UFC1: variants seen among roughly 807,000 people sequenced by gnomAD.
UFC1 encodes the protein ubiquitin-fold modifier-conjugating enzyme 1.
UFC1 carries 22 observed loss-of-function variants against 28.0 expected under a neutral mutation model. The ratio of observed to expected loss-of-function variants is 0.78; its 90% CI spans 0.56 to 1.12. UFC1 has a LOEUF of 1.12. UFC1 is among the 50% of genes most tolerant of loss of function. The pLI is 0.00. For synonymous variants in UFC1, 61 were observed against 74.5 expected (o/e 0.82, Z 0.93); for missense variants, 189 against 207.8 (o/e 0.91, Z 0.56).
intron 4 of UFC1, 88 bp downstream of exon 4, chr1:161,157,781 T>G (rs1657568536): frequency 9.2e-7 from 1 of 1,086,838 alleles, no homozygotes; most frequent in South Asian, 1.3e-5. Flanking sequence ...GAAGAATAGC[T>G]AATGGATGCT....
At chr1:161,157,776 A>G in intron 4 of UFC1, 83 bp downstream of exon 4, 3 of 1,134,402 alleles carry the variant, frequency 2.6e-6, no homozygotes, top group Non-Finnish European at 4.0e-6. Flanking sequence ...ATCAGGAAGA[A>G]TAGCTAATGG....
chr1:161,153,984 C>A lies in UFC1; in HGVS notation c.-14C>A, dbSNP rs779315913. The A allele has an allele frequency of 6.2e-6, 10 of 1,613,802 alleles. No homozygotes were observed. In the South Asian group the frequency reaches 9.9e-5, roughly 16 times the overall value. ...CAACACCACTTCCGCGTTTCTCTTG[C>A]GCCCTGGTCCAAGATGGCGGATGAA... On this transcript the variant is annotated 5_prime_UTR_variant, in exon 1 of 6. Coordinates refer to ENST00000368003, the MANE Select transcript of UFC1 (RefSeq NM_016406.4).
At chr1:161,157,982 C>A in intron 4 of UFC1, 139 bp from the exon 5 acceptor site, 1 of 752,644 alleles carries the variant, frequency 1.3e-6, no homozygotes, top group Non-Finnish European at 2.2e-6. Context: ...CCAGGCCCTC[C>A]TTTGCTGAGC....
intron 1 of UFC1, among the ~76,000 whole-genome samples, chr1:161,156,083 G>C (rs1657495942): frequency 6.6e-6 from 1 of 152,204 alleles, no homozygotes; most frequent in African/African-American, 2.4e-5. Flanking sequence ...CACTATCAGA[G>C]AAGTGAGAGG....
Position 161,158,550 on chromosome 1 carries a change from C to T in UFC1, c.*58C>T, listed in dbSNP as rs1571269376. The T allele has an allele frequency of 3.2e-6, 5 of 1,580,678 alleles. No individual in the cohort carries two copies. The South Asian group carries it at 3.3e-5, about 10-fold the overall frequency. On this transcript the variant is annotated 3_prime_UTR_variant, in exon 6 of 6. Coordinates refer to ENST00000368003, the MANE Select transcript of UFC1 (RefSeq NM_016406.4). Reference sequence around the variant, plus strand: ...CTTTGATAGGCTACGATACTATTTTCCTGTGCATCACACTTAACTCATCTA... The same window carrying T: ...CTTTGATAGGCTACGATACTATTTTTCTGTGCATCACACTTAACTCATCTA...
chr1:161,154,017 G>C lies in UFC1; in HGVS notation c.20G>C (p.Arg7Pro). 1.2e-6 allele frequency: 2 copies of C among 1,614,122 alleles called. No homozygotes were observed. The highest frequency in any genetic ancestry group is 8.5e-7 in the Non-Finnish European group (1 of 1,180,030). Reference sequence around the variant, plus strand: ...TCCAAGATGGCGGATGAAGCCACGCGACGTGTTGTGTCTGAGATCCCGGTG... The same window carrying C: ...TCCAAGATGGCGGATGAAGCCACGCCACGTGTTGTGTCTGAGATCCCGGTG... MADEAT[R>P]RVVSEIPVLK... The change falls in exon 1 of 6, where the codon CGA (arginine) becomes CCA (proline). Residue 7 changes from arginine (R) to proline (P), a missense_variant. Coordinates refer to ENST00000368003, the MANE Select transcript of UFC1 (RefSeq NM_016406.4).
In UFC1 at chr1:161,158,677, G is replaced by T; in HGVS notation, c.*185G>T. Reference sequence around the variant, plus strand: ...ACACACCAAACAGTACTGCTACTTAGTTTCTAAGGCTGCACAGGGAAGGGA... The same window carrying T: ...ACACACCAAACAGTACTGCTACTTATTTTCTAAGGCTGCACAGGGAAGGGA... On this transcript the variant is annotated 3_prime_UTR_variant, in exon 6 of 6. Transcript: ENST00000368003. The T allele has an allele frequency of 1.6e-6, 1 of 643,328 alleles. No homozygotes were observed. Among genetic ancestry groups the T allele is most frequent in the Non-Finnish European group, 2.8e-6 (1 of 363,126 alleles). The allele number at this position is 643,328 out of a possible 1,614,324, so 39.9% of individuals were successfully genotyped here.
rs1657632927 is a variant in UFC1, at chr1:161,158,693, A to G, written c.*201A>G. 2 of 610,778 alleles carry G rather than the reference A, an allele frequency of 3.3e-6. No homozygotes were observed. Among genetic ancestry groups the G allele is most frequent in the Non-Finnish European group, 5.8e-6 (2 of 344,550 alleles). The allele number at this position is 610,778 out of a possible 1,614,324, so 37.8% of individuals were successfully genotyped here. On this transcript the variant is annotated 3_prime_UTR_variant, in exon 6 of 6. Coordinates refer to ENST00000368003, the MANE Select transcript of UFC1 (RefSeq NM_016406.4). ...TGCTACTTAGTTTCTAAGGCTGCAC[A>G]GGGAAGGGAAAGACTGGGCTTTGGA... is the stretch of plus-strand genomic sequence containing the variant.
At position 161,158,649 on chromosome 1, in the gene UFC1, A is replaced by C; in HGVS notation, c.*157A>C. ...AGTAGGCATTGCTGGGGAAGAAACA[A>C]ACACACACCAAACAGTACTGCTACT... On this transcript the variant is annotated 3_prime_UTR_variant, in exon 6 of 6. Transcript: ENST00000368003. 1 of 722,738 alleles carries C rather than the reference A, an allele frequency of 1.4e-6. No homozygotes were observed. The highest frequency in any genetic ancestry group is 2.4e-6 in the Non-Finnish European group (1 of 420,336). 44.8% of individuals were successfully genotyped at this position (722,738 alleles called of 1,614,324 possible).
rs999116352 is a variant in UFC1 at position 161,158,695 on chromosome 1, G to A, written c.*203G>A. 1 of 606,998 alleles carries A rather than the reference G, an allele frequency of 1.6e-6. No individual in the cohort carries two copies. The highest frequency in any genetic ancestry group is 2.9e-5 in the East Asian group (1 of 34,948). 37.6% of individuals were successfully genotyped at this position (606,998 alleles called of 1,614,324 possible). A position where few individuals can be genotyped will look rare whatever the true frequency, so the allele number is the denominator to read the frequency against. On this transcript the variant is annotated 3_prime_UTR_variant, in exon 6 of 6. Coordinates refer to ENST00000368003, the MANE Select transcript of UFC1 (RefSeq NM_016406.4). ...CTACTTAGTTTCTAAGGCTGCACAGGGAAGGGAAAGACTGGGCTTTGGACA... is the reference window on the plus strand; with the variant it reads ...CTACTTAGTTTCTAAGGCTGCACAGAGAAGGGAAAGACTGGGCTTTGGACA...
intron 4 of UFC1, 72 bp from the exon 5 acceptor site, chr1:161,158,049 A>G (rs529168407): frequency 3.8e-6 from 5 of 1,317,436 alleles, no homozygotes; most frequent in East Asian, 2.3e-5. Context: ...TAGTCTTCCT[A>G]TGCCCCCAAG....
At position 161,154,048 on chromosome 1, in the gene UFC1, G is replaced by C. The variant is rs757697131; in HGVS notation, c.51G>C (p.Lys17Asn). The change falls in exon 1 of 6, where the codon AAG (lysine) becomes AAC (asparagine). Residue 17 changes from lysine (K) to asparagine (N), a missense_variant. Lys to Asn is a moderately conservative substitution (Grantham distance 94). Transcript: ENST00000368003. ...TTGTGTCTGAGATCCCGGTGCTGAA[G>C]ACTAACGCCGGACCCCGAGATCGTG... ...RRVVSEIPVL[K>N]TNAGPRDREL... 2 of 1,614,066 alleles carry C rather than the reference G, an allele frequency of 1.2e-6. No individual in the cohort carries two copies. Among genetic ancestry groups the C allele is most frequent in the Admixed American group, 1.7e-5 (1 of 59,998 alleles).
intron 1 of UFC1, among the ~76,000 whole-genome samples, chr1:161,154,869 A>G (rs1370299998): frequency 1.3e-5 from 2 of 152,218 alleles, no homozygotes; most frequent in Non-Finnish European, 2.9e-5. Flanking sequence ...AGTTTAGCTC[A>G]TAGTTAGAAA....
At position 161,154,117 on chromosome 1, in the gene UFC1, C is replaced by T. The variant is rs1361214462; in HGVS notation, c.120C>T (p.Ile40=). The T allele has an allele frequency of 2.5e-6, 4 of 1,613,824 alleles. No individual in the cohort carries two copies. The highest frequency in any genetic ancestry group is 1.3e-5 in the African/African-American group (1 of 74,854). Residue 40 remains isoleucine (I), a synonymous_variant, in exon 1 of 6, where the codon ATC becomes ATT. Transcript: ENST00000368003. ...TGAAGGAGGAATATCAGTCCCTTAT[C>T]CGGGTTAGTTGTGTTTCTACAGTCT... ...QRLKEEYQSL[I]RYVENNKNAD... is the part of the protein sequence containing the mutation.
Position 161,157,034 on chromosome 1 carries a change from G to T in UFC1, c.191+17G>T. On this transcript the variant is annotated intron_variant, in intron 2 of 5. Coordinates refer to ENST00000368003, the MANE Select transcript of UFC1 (RefSeq NM_016406.4). ...AGGAACTCGGTAGGTAGACCCTCTT[G>T]GGAGGTGTGGGGTGGGAGTCTTATA... 6.2e-7 allele frequency: 1 copy of T among 1,612,984 alleles called. No individual in the cohort carries two copies. The highest frequency in any genetic ancestry group is 8.5e-7 in the Non-Finnish European group (1 of 1,179,126).
chr1:161,158,309 C>T, intron 5 of UFC1, 98 bp downstream of exon 5: 1 of 1,565,622 alleles, frequency 6.4e-7, no homozygotes, highest in Non-Finnish European at 8.8e-7. Context: ...ACAGTGATGT[C>T]CCTTAAGCAT....
Position 161,154,035 on chromosome 1 carries a change from T to A in UFC1, c.38T>A (p.Ile13Asn), listed in dbSNP as rs762935146. ...GCCACGCGACGTGTTGTGTCTGAGA[T>A]CCCGGTGCTGAAGACTAACGCCGGA... ...DEATRRVVSE[I>N]PVLKTNAGPR... is the part of the protein sequence containing the mutation. Residue 13 changes from isoleucine to asparagine, a missense_variant, in exon 1 of 6, where the codon ATC becomes AAC. Ile to Asn is a moderately radical substitution (Grantham distance 149). Coordinates refer to ENST00000368003, the MANE Select transcript of UFC1 (RefSeq NM_016406.4). The A allele has an allele frequency of 1.9e-6, 3 of 1,614,014 alleles. No homozygotes were observed. The highest frequency in any genetic ancestry group is 4.5e-5 in the East Asian group (2 of 44,882).
chr1:161,156,433 A>T (rs1657506538), intron 1 of UFC1, among the ~76,000 whole-genome samples: 1 of 148,314 alleles, frequency 6.7e-6, no homozygotes, highest in Non-Finnish European at 1.5e-5. Context: ...CAGCTACTTG[A>T]GAGGCTGAGG....
In UFC1 at chr1:161,157,259, T is replaced by G; in HGVS notation, c.197T>G (p.Phe66Cys). ...LESNKEGTRWFGKCWYIHDLL... is the reference protein window; with the variant it reads ...LESNKEGTRWCGKCWYIHDLL... Reference sequence around the variant, plus strand: ...AGGTTTGGTCTTTGTTACAGGTGGTTTGGAAAATGCTGGTATATCCATGAC... The same window carrying G: ...AGGTTTGGTCTTTGTTACAGGTGGTGTGGAAAATGCTGGTATATCCATGAC... Residue 66 changes from phenylalanine to cysteine, a missense_variant, in exon 3 of 6, where the codon TTT becomes TGT. Physicochemically the swap from Phe to Cys is radical, Grantham distance 205. Coordinates refer to ENST00000368003, the MANE Select transcript of UFC1 (RefSeq NM_016406.4). 1.2e-6 allele frequency: 2 copies of G among 1,614,240 alleles called. No individual in the cohort carries two copies. The highest frequency in any genetic ancestry group is 1.7e-6 in the Non-Finnish European group (2 of 1,180,044).
Sources: gnomAD v4.1 joint callset for allele counts (sites outside exome capture counted in the v4.1 genomes callset) on GRCh38, gnomAD v4.1.1 for gene constraint, MANE v1.5 for transcripts, NCBI Gene and HGNC (gene_info 2026-07-23, HGNC 2026-07-21) for gene names.